Variants in MVP observed in about 807,000 individuals in gnomAD.
MVP encodes the protein lung resistance-related protein.
A neutral mutation model predicts 83.5 loss-of-function variants in MVP; 62 were observed. The ratio of observed to expected loss-of-function variants is 0.74; its 90% confidence interval spans 0.61 to 0.92. The LOEUF (loss-of-function observed/expected upper bound fraction) is 0.92. Ranked by LOEUF, MVP falls within the 40% of genes least tolerant of loss-of-function variation. The probability of loss-of-function intolerance (pLI) is 0.00; values close to 1 mark genes in which losing one functional copy is unlikely to be tolerated. For synonymous variants in MVP, 505 were observed against 504.1 expected, an observed-to-expected ratio of 1.00 and a Z score of -0.02; for missense variants, 1,000 against 1,203.4, an observed-to-expected ratio of 0.83 and a Z score of 2.50.
chr16:29,836,920 G>T lies in MVP; in HGVS notation c.871G>T (p.Asp291Tyr). 1 of 1,613,902 alleles carries T rather than the reference G, an allele frequency of 6.2e-7. No homozygotes were observed. The highest frequency in any genetic ancestry group is 8.5e-7 in the Non-Finnish European group (1 of 1,179,930). ...CGTGATTCTCGACCCTGTCGGACCGGATGGCAAGAATCAGCTGGGGCAGAA... is the reference window on the plus strand; with the variant it reads ...CGTGATTCTCGACCCTGTCGGACCGTATGGCAAGAATCAGCTGGGGCAGAA... ...YCVILDPVGP[D>Y]GKNQLGQKRV... The change falls in exon 7 of 15, where the codon GAT becomes TAT. Residue 291 changes from aspartate (D) to tyrosine (Y), a missense_variant. Asp to Tyr is a radical substitution (Grantham distance 160). Transcript: ENST00000357402.
Position 29,834,069 on chromosome 16 carries a change from G to A in MVP, c.577+3G>A. The A allele has an allele frequency of 6.2e-7, 1 of 1,613,056 alleles. No individual in the cohort carries two copies. The highest frequency in any genetic ancestry group is 1.1e-5 in the South Asian group (1 of 90,804). The stretch of plus-strand genomic sequence containing the variant: ...GGACGGCAAGGAGAGGGTGACAGGT[G>A]GGGTCACCAAGGGGCGATGATGGTG... On this transcript the variant is annotated splice_donor_region_variant and intron_variant, in intron 5 of 14. Coordinates refer to ENST00000357402, the MANE Select transcript of MVP (RefSeq NM_005115.5).
chr16:29,831,003 G>A lies in MVP; in HGVS notation c.251G>A (p.Arg84His), dbSNP rs564479340. The stretch of plus-strand genomic sequence containing the variant: ...GATGTCACAGGGCAAGTTCGGCTTC[G>A]CCACGCTGACCTCGAGATCCGGCTG... Reference protein sequence around the residue: ...LFDVTGQVRLRHADLEIRLAQ... With the variant: ...LFDVTGQVRLHHADLEIRLAQ... The change falls in exon 3 of 15, where the codon CGC becomes CAC. Residue 84 changes from arginine (R) to histidine (H), a missense_variant. Coordinates refer to ENST00000357402, the MANE Select transcript of MVP (RefSeq NM_005115.5). 6.1e-5 allele frequency: 98 copies of A among 1,613,894 alleles called. 1 individual carries two copies. The South Asian group carries it at 9.9e-4, about 16-fold the overall frequency.
At position 29,844,960 on chromosome 16, in the gene MVP, T is replaced by G. The variant is rs2067571757; in HGVS notation, c.2021+81T>G. The G allele has an allele frequency of 4.0e-6, 6 of 1,486,052 alleles. No homozygotes were observed. The South Asian group carries it at 6.5e-5, about 16-fold the overall frequency. 92.1% of individuals were successfully genotyped at this position (1,486,052 alleles called of 1,614,324 possible). On this transcript the variant is annotated intron_variant, in intron 11 of 14. Transcript: ENST00000357402. ...GAACTGGATAACCTGGCATCCCTTG[T>G]GGACTGCCTGCTGCCATCCCTACCC...
At chr16:29,836,635 A>AT in intron 6 of MVP, 87 bp from the exon 7 acceptor site, 3 of 1,036,142 alleles carry the variant, frequency 2.9e-6, no homozygotes, top group Non-Finnish European at 4.2e-6. Context: ...ATCTGGGAGC[A>AT]TTGGGAGCAT....
chr16:29,833,927 CT>C lies in MVP; in HGVS notation c.446-7del. 2 of 1,614,116 alleles carry C rather than the reference CT, an allele frequency of 1.2e-6. No homozygotes were observed. Among genetic ancestry groups the C allele is most frequent in the Middle Eastern group, 3.3e-4 (2 of 6,062 alleles). On this transcript the variant is annotated splice_polypyrimidine_tract_variant and splice_region_variant and intron_variant, in intron 4 of 14. Coordinates refer to ENST00000357402, the MANE Select transcript of MVP (RefSeq NM_005115.5). ...TGATACCTTCTGACCATCACCTTCC[CT>C]CCCCAGGCACGTACATCCCCCGGAA...
At chr16:29,840,532 G>A (rs2067526550) in intron 8 of MVP, 73 bp downstream of exon 8, 1 of 1,489,616 alleles carries the variant, frequency 6.7e-7, no homozygotes, top group Non-Finnish European at 9.0e-7. Context: ...TGGGTGTGTG[G>A]AAGAGGTGGG....
chr16:29,846,691 C>T lies in MVP; in HGVS notation c.2265+407C>T, dbSNP rs191267400. Among the ~76,000 whole-genome samples, 1,372 of 152,256 alleles carry T rather than the reference C, an allele frequency of 9.0e-3. 11 individuals are homozygous for T. Among genetic ancestry groups the T allele is most frequent in the Non-Finnish European group, 0.012 (817 of 68,022 alleles). On this transcript the variant is annotated intron_variant, in intron 13 of 14. Coordinates refer to ENST00000357402, the MANE Select transcript of MVP (RefSeq NM_005115.5). ...TGGCCAACATGGTGAAACCCCATCT[C>T]TACTGAAAATACAAAAAATTAGCTG...
Position 29,845,889 on chromosome 16 carries a change from A to G in MVP, c.2048A>G (p.Glu683Gly). 1.2e-6 allele frequency: 2 copies of G among 1,614,054 alleles called. No homozygotes were observed. The highest frequency in any genetic ancestry group is 1.7e-6 in the Non-Finnish European group (2 of 1,179,954). ...AKHEAQRLEQEARGRLERQKI... is the reference protein window; with the variant it reads ...AKHEAQRLEQGARGRLERQKI... ...CATGAGGCTCAGAGACTGGAGCAGGAAGCCCGCGGCCGGCTTGAGCGGCAG... is the reference window on the plus strand; with the variant it reads ...CATGAGGCTCAGAGACTGGAGCAGGGAGCCCGCGGCCGGCTTGAGCGGCAG... The change falls in exon 12 of 15, where the codon GAA becomes GGA. Residue 683 changes from glutamate to glycine, a missense_variant. By Grantham distance (98) the Glu-to-Gly change is moderately conservative. Coordinates refer to ENST00000357402, the MANE Select transcript of MVP (RefSeq NM_005115.5).
At chr16:29,834,760 A>G (rs1596917635) in intron 5 of MVP, 1 of 147,200 alleles carries the variant, frequency 6.8e-6, no homozygotes, top group Non-Finnish European at 1.5e-5. Context: ...ATCTCGGCTC[A>G]CTGCAAGCTC....
chr16:29,841,499 C>A lies in MVP; in HGVS notation c.1192-97C>A. On this transcript the variant is annotated intron_variant, in intron 8 of 14. Coordinates refer to ENST00000357402, the MANE Select transcript of MVP (RefSeq NM_005115.5). This position sits in a 1 kb window ranked among gnomAD's most constrained non-coding sequence, Gnocchi z 4.7. ...GTAGAGAAGGTGTTTAACCTCGTGG[C>A]GCGCCTTCCCTGGATGGGCTCTGCT... 6.9e-7 allele frequency: 1 copy of A among 1,446,588 alleles called. No homozygotes were observed. Among genetic ancestry groups the A allele is most frequent in the Non-Finnish European group, 9.2e-7 (1 of 1,086,844 alleles). 89.6% of individuals were successfully genotyped at this position (1,446,588 alleles called of 1,614,324 possible).
rs770866307 is a variant in MVP, at chr16:29,844,505, G to A, written c.1647G>A (p.Val549=). ...LQLAYNWHFE[V]NDRKDPQETA... ...TGTTTGTTCACAGGCACTTTGAGGTGAATGACCGGAAGGACCCCCAAGAGA... is the reference window on the plus strand; with the variant it reads ...TGTTTGTTCACAGGCACTTTGAGGTAAATGACCGGAAGGACCCCCAAGAGA... Residue 549 remains valine (V), a synonymous_variant, in exon 11 of 15, where the codon GTG becomes GTA. Transcript: ENST00000357402. The A allele has an allele frequency of 1.3e-6, 2 of 1,539,462 alleles. No individual in the cohort carries two copies. Among genetic ancestry groups the A allele is most frequent in the African/African-American group, 1.4e-5 (1 of 72,312 alleles).
chr16:29,847,930 C>T lies in MVP; in HGVS notation c.2623C>T (p.Gln875Ter), dbSNP rs763864769. The T allele has an allele frequency of 5.6e-6, 9 of 1,613,362 alleles. No homozygotes were observed. The highest frequency in any genetic ancestry group is 2.7e-5 in the African/African-American group (2 of 74,900). ...CAGCCCTGGGGAGGGGATATCCCCC[C>T]AGTCTGCTCAGGCCCCTCAAGCTCC... ...GPSPGEGISP[Q>*]SAQAPQAPGD... is the part of the protein sequence containing the mutation. Residue 875 changes from glutamine to a stop codon, truncating the protein, a stop_gained, in exon 15 of 15, where the codon CAG becomes TAG. Transcript: ENST00000357402. LOFTEE classifies it low-confidence loss of function (END_TRUNC).
At chr16:29,843,108 G>C (rs1033677840) in intron 10 of MVP, among the ~76,000 whole-genome samples, 2 of 152,144 alleles carry the variant, frequency 1.3e-5, no homozygotes, top group South Asian at 2.1e-4. Flanking sequence ...CAAGGCCATT[G>C]AAAAGATGCA....
chr16:29,834,111 C>T (rs1441567388), intron 5 of MVP, 45 bp downstream of exon 5: 1 of 1,598,962 alleles, frequency 6.3e-7, no homozygotes. Context: ...CAGGAGGGGT[C>T]CCCACTGCAG....
chr16:29,838,750 C>T (rs1040867472), intron 7 of MVP, among the ~76,000 whole-genome samples: 1 of 152,066 alleles, frequency 6.6e-6, no homozygotes, highest in Non-Finnish European at 1.5e-5. Flanking sequence ...TCGCTTGACC[C>T]CAGGAAGTGG....
chr16:29,825,781 T>C (rs1261128616), intron 1 of MVP, among the ~76,000 whole-genome samples: 1 of 152,084 alleles, frequency 6.6e-6, no homozygotes, highest in Non-Finnish European at 1.5e-5. Flanking sequence ...TTGGGGAGAT[T>C]ATCCACTGAT....
rs77512424 is a variant in MVP at position 29,839,836 on chromosome 16, C to T, written c.910-342C>T. Among the ~76,000 whole-genome samples, 103 of 145,278 alleles carry T rather than the reference C, an allele frequency of 7.1e-4. 1 individual carries two copies. The East Asian group carries it at 0.019, about 27-fold the overall frequency. The stretch of plus-strand genomic sequence containing the variant: ...CAGAATCCAGATTTGGCCTGAAAAC[C>T]AGAGTTTGTCAAGCCCTAGGTTACA... On this transcript the variant is annotated intron_variant, in intron 7 of 14. Transcript: ENST00000357402.
rs556416884 is a variant in MVP, at chr16:29,840,808, G to A, written c.1191+349G>A. On this transcript the variant is annotated intron_variant, in intron 8 of 14. Coordinates refer to ENST00000357402, the MANE Select transcript of MVP (RefSeq NM_005115.5). ...GTACAAACATTAGTCAGGCGTGGTG[G>A]TGGTCTGAGTAGTCCCAGATACTTG... is the stretch of plus-strand genomic sequence containing the variant. 4.6e-5 allele frequency among the ~76,000 whole-genome samples: 7 copies of A among 152,214 alleles called. No individual in the cohort carries two copies. In the East Asian group the frequency reaches 1.4e-3, roughly 29 times the overall value.
At chr16:29,821,687 C>G (rs777941165) in intron 1 of MVP, among the ~76,000 whole-genome samples, 1 of 152,192 alleles carries the variant, frequency 6.6e-6, no homozygotes, top group South Asian at 2.1e-4. Flanking sequence ...GTTGGACTTC[C>G]GGCTCCGTCC....
Sources: allele counts gnomAD v4.1 joint callset (sites outside exome capture counted in the v4.1 genomes callset), GRCh38; gene constraint gnomAD v4.1.1; non-coding constraint Gnocchi (gnomAD v3.1); transcripts MANE v1.5; gene names NCBI Gene and HGNC (gene_info 2026-07-23, HGNC 2026-07-21).